The following TSNARE1 variants were observed in gnomAD, a reference collection of about 807,000 sequenced individuals.
The protein encoded by TSNARE1 is t-SNARE domain-containing protein 1.
Under a neutral mutation model 62.0 loss-of-function variants are expected in TSNARE1, and 49 were observed. The observed-to-expected ratio is 0.79, with a 90% CI of 0.63 to 1.00. TSNARE1 has a LOEUF of 1.00. Ranked by LOEUF, TSNARE1 falls within the 50% of genes least tolerant of loss-of-function variation. The pLI, the probability that TSNARE1 is intolerant of heterozygous loss-of-function variation, is 0.00. For synonymous variants in TSNARE1, 328 were observed against 294.4 expected, an observed-to-expected ratio of 1.11 and a Z score of -1.17; for missense variants, 755 against 700.1, an observed-to-expected ratio of 1.08 and a Z score of -0.88.
chr8:142,280,435 G>T, intron 11 of TSNARE1: 2 of 597,688 alleles, frequency 3.3e-6, no homozygotes, highest in Non-Finnish European at 4.2e-6. Flanking sequence ...GCCAGGCCTC[G>T]CATCGGCACC....
At chr8:142,309,314 C>T (rs1827215614) in intron 9 of TSNARE1, among the ~76,000 whole-genome samples, 1 of 152,292 alleles carries the variant, frequency 6.6e-6, no homozygotes, top group East Asian at 1.9e-4. Flanking sequence ...AACCACAGTA[C>T]TAGATGCCCT....
intron 9 of TSNARE1, among the ~76,000 whole-genome samples, chr8:142,304,152 C>T (rs1394764306): frequency 6.6e-6 from 1 of 152,266 alleles, no homozygotes; most frequent in Non-Finnish European, 1.5e-5. Context: ...AATCTGTTGA[C>T]AAGCGCAACT....
chr8:142,259,774 C>G (rs1438736598), intron 12 of TSNARE1, among the ~76,000 whole-genome samples: 3 of 152,178 alleles, frequency 2.0e-5, no homozygotes, highest in African/African-American at 7.2e-5. Context: ...GTGGCTGCTC[C>G]CAGCTCTCAG....
chr8:142,372,834 T>C (rs1476253861), intron 1 of TSNARE1, among the ~76,000 whole-genome samples: 1 of 151,806 alleles, frequency 6.6e-6, no homozygotes, highest in Admixed American at 6.6e-5. Context: ...TTTCCTTCCC[T>C]GCTGTGCCTC....
rs77908480 is a variant in TSNARE1 at position 142,316,541 on chromosome 8, G to A, written c.985-1449C>T. Among the ~76,000 whole-genome samples the A allele has an allele frequency of 3.2e-3, 487 of 151,660 alleles. 47 individuals carry two copies. In the East Asian group the frequency reaches 0.079, roughly 25 times the overall value. ...AATTTAGATCTGATAAAATCTACCC[G>A]CTTTAAGTGTAGAGTTCAGTAACTC... On this transcript the variant is annotated intron_variant, in intron 7 of 13. Coordinates refer to ENST00000524325, the MANE Select transcript of TSNARE1 (RefSeq NM_145003.5).
chr8:142,350,112 A>T (rs988265840), intron 2 of TSNARE1, among the ~76,000 whole-genome samples: 2 of 73,766 alleles, frequency 2.7e-5, no homozygotes, highest in South Asian at 5.3e-4. Flanking sequence ...CAGGCAGGGC[A>T]GGCAAGGCTG....
intron 1 of TSNARE1, chr8:142,365,832 G>T: frequency 2.7e-6 from 1 of 369,690 alleles, no homozygotes. Flanking sequence ...GGAATAAATT[G>T]TAAAAGGTGC....
intron 12 of TSNARE1, among the ~76,000 whole-genome samples, chr8:142,259,901 G>A (rs1818772282): frequency 6.6e-6 from 1 of 152,172 alleles, no homozygotes; most frequent in Non-Finnish European, 1.5e-5. Flanking sequence ...GAAGGCTGTT[G>A]TGGCGAGGAA....
intron 11 of TSNARE1, among the ~76,000 whole-genome samples, chr8:142,279,565 G>T (rs1452976086): frequency 2.0e-5 from 3 of 152,184 alleles, no homozygotes; most frequent in African/African-American, 7.2e-5. Context: ...TGGCGTATAT[G>T]GTCGAGCCCC....
intron 7 of TSNARE1, among the ~76,000 whole-genome samples, chr8:142,317,509 A>C (rs977346766): frequency 2.0e-5 from 3 of 152,252 alleles, no homozygotes; most frequent in Admixed American, 2.0e-4. Flanking sequence ...GTGCTTATGA[A>C]GCGGGTTCGG....
intron 1 of TSNARE1, among the ~76,000 whole-genome samples, chr8:142,392,426 T>C (rs1837598205): frequency 1.3e-5 from 2 of 152,236 alleles, no homozygotes; most frequent in African/African-American, 4.8e-5. Flanking sequence ...TTACGTAGCG[T>C]ATGTGCTGAA....
At chr8:142,297,541 T>G (rs1206864703) in intron 10 of TSNARE1, among the ~76,000 whole-genome samples, 1 of 152,082 alleles carries the variant, frequency 6.6e-6, no homozygotes, top group Non-Finnish European at 1.5e-5. Context: ...CCCCAGTGAA[T>G]GTGGGAGGAG....
intron 9 of TSNARE1, among the ~76,000 whole-genome samples, chr8:142,310,571 C>T (rs574954943): frequency 6.6e-6 from 1 of 151,490 alleles, no homozygotes; most frequent in Non-Finnish European, 1.5e-5. Flanking sequence ...TTTCACTTCA[C>T]CTTTATTTCT....
intron 1 of TSNARE1, among the ~76,000 whole-genome samples, chr8:142,373,856 C>T (rs532483722): frequency 8.5e-5 from 13 of 152,160 alleles, no homozygotes; most frequent in Admixed American, 4.6e-4. Flanking sequence ...GGGAGAGGGA[C>T]GGCCAGGGAG....
intron 2 of TSNARE1, 146 bp from the exon 3 acceptor site, chr8:142,346,038 T>A: frequency 1.1e-6 from 1 of 902,958 alleles, no homozygotes; most frequent in Non-Finnish European, 1.7e-6. Flanking sequence ...CTGCCTGCTA[T>A]ATCCTCTGGA....
At chr8:142,357,901 C>T (rs566277364) in intron 1 of TSNARE1, among the ~76,000 whole-genome samples, 8 of 152,232 alleles carry the variant, frequency 5.3e-5, no homozygotes, top group Non-Finnish European at 8.8e-5. Context: ...AAAGCCACGG[C>T]GGAGGCTCCA....
At chr8:142,234,732 C>T (rs1426240678) in intron 12 of TSNARE1, among the ~76,000 whole-genome samples, 1 of 152,110 alleles carries the variant, frequency 6.6e-6, no homozygotes. Context: ...TCCACCTGCT[C>T]CCTCATCCCA....
chr8:142,385,789 A>T (rs1233098033), intron 1 of TSNARE1, among the ~76,000 whole-genome samples: 1 of 152,230 alleles, frequency 6.6e-6, no homozygotes, highest in East Asian at 1.9e-4. Context: ...GTTTCCAATG[A>T]CTGCCATATC....
At chr8:142,404,712 C>T (rs917742791), upstream of TSNARE1, 1 of 152,284 alleles carries the variant, frequency 6.6e-6, no homozygotes, top group Non-Finnish European at 1.5e-5. Flanking sequence ...GACTGCTGAC[C>T]CCCCAGCTTC....
Sources: gnomAD v4.1 joint callset for allele counts (sites outside exome capture counted in the v4.1 genomes callset) on GRCh38, gnomAD v4.1.1 for gene constraint, MANE v1.5 for transcripts, NCBI Gene and HGNC (gene_info 2026-07-23, HGNC 2026-07-21) for gene names.